The following RBM27 variants were observed in gnomAD, a reference collection of about 807,000 sequenced individuals.
RBM27 encodes RNA binding motif protein 27.
RBM27 carries 22 observed loss-of-function variants against 135.3 expected under a neutral mutation model. The observed-to-expected ratio is 0.16, with a 90% CI of 0.12 to 0.23. The LOEUF is 0.23. RBM27 is among the 10% of genes least tolerant of loss of function. The pLI is 1.00. For synonymous variants in RBM27, 481 were observed against 442.4 expected, an observed-to-expected ratio of 1.09 and a Z score of -1.10; for missense variants, 1,009 against 1,281.0, an observed-to-expected ratio of 0.79 and a Z score of 3.24.
rs371894593 is a variant in RBM27, at chr5:146,219,031, G to A, written c.106G>A (p.Val36Ile). 1 of 1,613,536 alleles carries A rather than the reference G, an allele frequency of 6.2e-7. No individual in the cohort carries two copies. Among genetic ancestry groups the A allele is most frequent in the Non-Finnish European group, 8.5e-7 (1 of 1,179,786 alleles). The change falls in exon 2 of 21, where the codon GTC (valine) becomes ATC (isoleucine). Residue 36 changes from valine to isoleucine, a missense_variant. Val to Ile is a conservative substitution (Grantham distance 29). This residue lies in a region of RBM27 where 268 missense variants were observed against 326.6 expected (regional missense o/e 0.82). Coordinates refer to ENST00000265271, the MANE Select transcript of RBM27 (RefSeq NM_018989.2). Reference protein sequence around the residue: ...SALANYVVALVKKDKPEKELK... With the variant: ...SALANYVVALIKKDKPEKELK... ...CTTAGCCAACTATGTTGTAGCACTGGTCAAGAAGGACAAACCTGAGAAAGA... is the reference window on the plus strand; with the variant it reads ...CTTAGCCAACTATGTTGTAGCACTGATCAAGAAGGACAAACCTGAGAAAGA...
intron 5 of RBM27, among the ~76,000 whole-genome samples, chr5:146,230,352 T>G (rs1370829508): frequency 6.6e-6 from 1 of 152,196 alleles, no homozygotes; most frequent in Non-Finnish European, 1.5e-5. Flanking sequence ...GATACAAGTT[T>G]GGAAGTCAGT....
In RBM27 at chr5:146,260,511, A is replaced by G. The variant is rs532156934; in HGVS notation, c.1740-234A>G. Among the ~76,000 whole-genome samples the G allele has an allele frequency of 1.8e-4, 27 of 152,290 alleles. No homozygotes were observed. In the South Asian group the frequency reaches 5.2e-3, roughly 29 times the overall value. On this transcript the variant is annotated intron_variant, in intron 11 of 20. Coordinates refer to ENST00000265271, the MANE Select transcript of RBM27 (RefSeq NM_018989.2). ...AGTGCTGGCGTTACAGGCATGAGCT[A>G]CTTCGCTCAGCCTGTAATCTGTTTC...
At chr5:146,219,586 C>T (rs965961088) in intron 2 of RBM27, among the ~76,000 whole-genome samples, 1 of 152,118 alleles carries the variant, frequency 6.6e-6, no homozygotes, top group Non-Finnish European at 1.5e-5. Flanking sequence ...CTAAGGTTTC[C>T]CCTGTTGCCT....
At chr5:146,211,724 G>A (rs1042462071) in intron 1 of RBM27, among the ~76,000 whole-genome samples, 2 of 151,526 alleles carry the variant, frequency 1.3e-5, no homozygotes, top group Non-Finnish European at 2.9e-5. Flanking sequence ...CAGGTAATCC[G>A]CCCCTGGGAT....
chr5:146,229,795 G>A lies in RBM27; in HGVS notation c.474G>A (p.Glu158=), dbSNP rs534259508. 43 of 1,613,798 alleles carry A rather than the reference G, an allele frequency of 2.7e-5. No individual in the cohort carries two copies. The South Asian group carries it at 4.7e-4, about 18-fold the overall frequency. The part of the protein sequence containing the change: ...RYYERNELYR[E]KYDWRRGRSK... Reference sequence around the variant, plus strand: ...ATGAGCGGAATGAATTGTACCGTGAGAAGTATGACTGGAGAAGAGGCAGGA... The same window carrying A: ...ATGAGCGGAATGAATTGTACCGTGAAAAGTATGACTGGAGAAGAGGCAGGA... The change falls in exon 5 of 21, where the codon GAG becomes GAA. Residue 158 remains glutamate, a synonymous_variant. Transcript: ENST00000265271.
chr5:146,231,266 G>A (rs185637044), intron 6 of RBM27, among the ~76,000 whole-genome samples: 105 of 152,196 alleles, frequency 6.9e-4, no homozygotes, highest in African/African-American at 2.2e-3. Flanking sequence ...CACCATGCCT[G>A]GCTAACTTTT....
At chr5:146,251,576 G>A in intron 8 of RBM27, 135 bp from the exon 9 acceptor site, 1 of 792,556 alleles carries the variant, frequency 1.3e-6, no homozygotes, top group Non-Finnish European at 2.0e-6. Context: ...AGAATCCCAG[G>A]AACATCTTTC....
At chr5:146,242,339 G>T (rs1468792226) in intron 8 of RBM27, among the ~76,000 whole-genome samples, 2 of 152,158 alleles carry the variant, frequency 1.3e-5, no homozygotes, top group African/African-American at 4.8e-5. Flanking sequence ...GTGAATTACT[G>T]CTTTAGAGGA....
chr5:146,206,256 TA>T (rs1426768669), intron 1 of RBM27, among the ~76,000 whole-genome samples: 1 of 151,468 alleles, frequency 6.6e-6, no homozygotes, highest in African/African-American at 2.4e-5. Context: ...TTCTTTTTTT[TA>T]AAGCTCCCTA....
chr5:146,271,416 G>C, intron 18 of RBM27, 67 bp from the exon 19 acceptor site: 1 of 1,266,390 alleles, frequency 7.9e-7, no homozygotes, highest in Non-Finnish European at 1.1e-6. Flanking sequence ...AAAAAAAAAA[G>C]TTTTCCTTTG....
At chr5:146,257,613 T>C (rs376513038) in intron 10 of RBM27, among the ~76,000 whole-genome samples, 42 of 152,360 alleles carry the variant, frequency 2.8e-4, no homozygotes, top group East Asian at 1.3e-3. Flanking sequence ...CTTTACCTTA[T>C]ATCTAAGAAT....
Position 146,289,219 on chromosome 5 carries a change from C to G in RBM27, c.*3189C>G, listed in dbSNP as rs1402886263. On this transcript the variant is annotated 3_prime_UTR_variant, in exon 21 of 21. Transcript: ENST00000265271. ...CCATTCCAAAAATTATAACAATCAC[C>G]AAAAGAGCTGTAATTCTGGCTTGTT... is the stretch of plus-strand genomic sequence containing the variant. 2 of 151,566 alleles carry G rather than the reference C, an allele frequency of 1.3e-5. No homozygotes were observed. The highest frequency in any genetic ancestry group is 3.9e-4 in the East Asian group (2 of 5,190). The allele number at this position is 151,566 out of a possible 1,614,324, so 9.4% of individuals were successfully genotyped here.
chr5:146,255,267 A>C (rs1758056682), intron 10 of RBM27, among the ~76,000 whole-genome samples, 175 bp downstream of exon 10: 1 of 152,152 alleles, frequency 6.6e-6, no homozygotes, highest in Non-Finnish European at 1.5e-5. Context: ...TTTATCTCCA[A>C]ATTTTATTTT....
intron 8 of RBM27, among the ~76,000 whole-genome samples, chr5:146,249,683 C>CAAAAAAAAAAAAAAAAAAA (rs1209651197): frequency 2.7e-5 from 1 of 37,180 alleles, no homozygotes; most frequent in African/African-American, 9.6e-5. Context: ...GTGAGACTCT[C>CAAAAAAAAAAAAAAAAAAA]AAAAAAAAAA....
chr5:146,280,623 A>G (rs1364686458), intron 19 of RBM27, among the ~76,000 whole-genome samples: 1 of 152,032 alleles, frequency 6.6e-6, no homozygotes, highest in Non-Finnish European at 1.5e-5. Flanking sequence ...TATACAGTCA[A>G]TCCTTATTAT....
Position 146,203,705 on chromosome 5 carries a change from G to T in RBM27, c.-61G>T. 1 of 1,461,294 alleles carries T rather than the reference G, an allele frequency of 6.8e-7. No individual in the cohort carries two copies. Among genetic ancestry groups the T allele is most frequent in the Non-Finnish European group, 9.4e-7 (1 of 1,066,068 alleles). The allele number at this position is 1,461,294 out of a possible 1,614,324, so 90.5% of individuals were successfully genotyped here. On this transcript the variant is annotated 5_prime_UTR_variant, in exon 1 of 21. Transcript: ENST00000265271. ...TGTGAAGGGAACGTGAGGGGGCGGC[G>T]TAGTGGAGACCCACGGCAGGCCTGA...
intron 9 of RBM27, among the ~76,000 whole-genome samples, chr5:146,253,945 C>T (rs147280157): frequency 1.5e-3 from 233 of 152,184 alleles, no homozygotes; most frequent in African/African-American, 5.3e-3. Flanking sequence ...AAGTGACTGA[C>T]GTGTATGTGC....
intron 1 of RBM27, among the ~76,000 whole-genome samples, chr5:146,207,363 G>A (rs776822192): frequency 1.3e-4 from 20 of 151,856 alleles, no homozygotes; most frequent in South Asian, 2.1e-4. Flanking sequence ...ACAGGCGCCC[G>A]CCACCATGCC....
At chr5:146,216,275 G>A (rs1279966917) in intron 1 of RBM27, among the ~76,000 whole-genome samples, 2 of 152,014 alleles carry the variant, frequency 1.3e-5, no homozygotes, top group African/African-American at 2.4e-5. Flanking sequence ...GGACTCAAGC[G>A]ATTCCCCACA....
Sources: allele counts gnomAD v4.1 joint callset (sites outside exome capture counted in the v4.1 genomes callset), GRCh38; gene constraint gnomAD v4.1.1; regional missense constraint gnomAD v4.1.1; transcripts MANE v1.5; gene names NCBI Gene and HGNC (gene_info 2026-07-23, HGNC 2026-07-21).